The following PAPOLA variants were observed in gnomAD, a reference collection of about 807,000 sequenced individuals.
The protein encoded by PAPOLA is polynucleotide adenylyltransferase alpha.
Under a neutral mutation model 100.6 loss-of-function variants are expected in PAPOLA, and 15 were observed. The ratio of observed to expected loss-of-function variants is 0.15; its 90% CI spans 0.10 to 0.23. The LOEUF (loss-of-function observed/expected upper bound fraction) is 0.23. Among genes scored for constraint, PAPOLA ranks in the 10% least tolerant of loss-of-function variants. The pLI is 1.00. For missense variants in PAPOLA, 533 were observed against 884.2 expected (o/e 0.60, Z 5.04); for synonymous variants, 293 against 300.0 (o/e 0.98, Z 0.24).
At chr14:96,564,318 G>A (rs1902109061) in intron 21 of PAPOLA, among the ~76,000 whole-genome samples, 1 of 151,996 alleles carries the variant, frequency 6.6e-6, no homozygotes, top group South Asian at 2.1e-4. Flanking sequence ...TGAATACATG[G>A]GGATGCATTA....
Position 96,536,815 on chromosome 14 carries a change from G to GTATA in PAPOLA, c.1031-154_1031-151dup, listed in dbSNP as rs113011991. 7.4e-3 allele frequency: 3,449 copies of GTATA among 463,632 alleles called. 86 individuals are homozygous for GTATA. Among genetic ancestry groups the GTATA allele is most frequent in the African/African-American group, 0.062 (3,104 of 50,208 alleles). The allele number at this position is 463,632 out of a possible 1,614,324, so 28.7% of individuals were successfully genotyped here. On this transcript the variant is annotated intron_variant, in intron 11 of 21. Transcript: ENST00000216277. The stretch of plus-strand genomic sequence containing the variant: ...TTCCAGCTTTTTAAAAAAAAAATGT[G>GTATA]TATATATATAAGAGTATGCTCTAAA...
chr14:96,543,981 G>A (rs1595542708), intron 14 of PAPOLA, among the ~76,000 whole-genome samples, 168 bp from the exon 15 acceptor site: 3 of 152,174 alleles, frequency 2.0e-5, no homozygotes, highest in Non-Finnish European at 2.9e-5. Context: ...GGAATATAGA[G>A]GACAGGTGTG....
intron 1 of PAPOLA, among the ~76,000 whole-genome samples, chr14:96,519,579 A>C (rs1009408011): frequency 6.6e-5 from 10 of 152,212 alleles, no homozygotes; most frequent in Non-Finnish European, 1.5e-4. Flanking sequence ...AAGGGAAAGA[A>C]CTATATTCAG....
intron 15 of PAPOLA, among the ~76,000 whole-genome samples, chr14:96,547,173 G>A (rs1055124288): frequency 6.6e-6 from 1 of 152,058 alleles, no homozygotes; most frequent in African/African-American, 2.4e-5. Context: ...CAGTGTCTAG[G>A]ACAATATGAA....
intron 17 of PAPOLA, chr14:96,553,112 T>G (rs560920305): frequency 6.5e-6 from 1 of 152,758 alleles, no homozygotes; most frequent in Non-Finnish European, 1.5e-5. Flanking sequence ...GGTCTGGCTG[T>G]GTTGTTTAGG....
chr14:96,542,322 A>G, intron 13 of PAPOLA, 26 bp downstream of exon 13: 1 of 1,483,468 alleles, frequency 6.7e-7, no homozygotes, highest in Non-Finnish European at 9.4e-7. Flanking sequence ...GACTTTACAG[A>G]AAAAGCAAAC....
At chr14:96,561,453 T>C (rs1003451183) in intron 20 of PAPOLA, among the ~76,000 whole-genome samples, 2 of 152,172 alleles carry the variant, frequency 1.3e-5, no homozygotes, top group Non-Finnish European at 2.9e-5. Flanking sequence ...ATTCACTTTG[T>C]AAACCAAGAA....
In PAPOLA at chr14:96,556,179, A is replaced by G. The variant is rs757065443; in HGVS notation, c.1770A>G (p.Thr590=). 11 of 1,612,578 alleles carry G rather than the reference A, an allele frequency of 6.8e-6. No individual in the cohort carries two copies. Among genetic ancestry groups the G allele is most frequent in the African/African-American group, 4.0e-5 (3 of 74,894 alleles). ...QVNSSESSGG[T]SSESIPQTAT... is the part of the protein sequence containing the mutation. ...ACTCATATATTTGCTGCTTAGGTACATCGAGTGAAAGCATTCCTCAAACTG... is the reference window on the plus strand; with the variant it reads ...ACTCATATATTTGCTGCTTAGGTACGTCGAGTGAAAGCATTCCTCAAACTG... The change falls in exon 19 of 22, where the codon ACA becomes ACG. Residue 590 remains threonine (T), a synonymous_variant. Coordinates refer to ENST00000216277, the MANE Select transcript of PAPOLA (RefSeq NM_032632.5).
chr14:96,502,951 G>T (rs1336013861), intron 1 of PAPOLA: 7 of 285,406 alleles, frequency 2.5e-5, no homozygotes, highest in Non-Finnish European at 2.6e-5. Flanking sequence ...AACATTGCCT[G>T]GTGGTGGGGA....
intron 1 of PAPOLA, among the ~76,000 whole-genome samples, chr14:96,514,216 T>C (rs565740715): frequency 2.6e-5 from 4 of 151,922 alleles, no homozygotes; most frequent in Admixed American, 2.0e-4. Context: ...TCCTGTTCTG[T>C]TGCCCAGGCT....
chr14:96,557,000 C>T (rs1029919693), intron 19 of PAPOLA, among the ~76,000 whole-genome samples: 1 of 152,050 alleles, frequency 6.6e-6, no homozygotes, highest in Admixed American at 6.6e-5. Flanking sequence ...CCTTCTGCCT[C>T]CCAGGTAGCT....
intron 10 of PAPOLA, 151 bp from the exon 11 acceptor site, chr14:96,535,728 A>G (rs1465337805): frequency 2.5e-6 from 2 of 803,016 alleles, no homozygotes; most frequent in African/African-American, 1.8e-5. Flanking sequence ...TCCTATAAAA[A>G]CAATGTCTCT....
At chr14:96,525,424 C>A in intron 4 of PAPOLA, 33 bp downstream of exon 4, 1 of 856,506 alleles carries the variant, frequency 1.2e-6, no homozygotes, top group Admixed American at 2.5e-5. Flanking sequence ...TAGAAAGGGA[C>A]CCTTTAGTTC....
intron 1 of PAPOLA, among the ~76,000 whole-genome samples, chr14:96,507,756 G>GGGTC (rs1050193343): frequency 6.7e-4 from 102 of 152,230 alleles, no homozygotes; most frequent in African/African-American, 2.2e-3. Context: ...ACTCGTAAAG[G>GGGTC]GGTCCTGAGA....
At chr14:96,554,212 T>C (rs1566864305) in intron 17 of PAPOLA, among the ~76,000 whole-genome samples, 1 of 152,252 alleles carries the variant, frequency 6.6e-6, no homozygotes, top group Non-Finnish European at 1.5e-5. Context: ...AGAATACGAT[T>C]GTATATTTGC....
intron 1 of PAPOLA, among the ~76,000 whole-genome samples, chr14:96,512,116 T>G (rs1288257301): frequency 6.6e-6 from 1 of 152,210 alleles, no homozygotes; most frequent in Non-Finnish European, 1.5e-5. Flanking sequence ...TTAGTTGACT[T>G]TCAACTTTTG....
chr14:96,553,185 A>G (rs1007326945), intron 17 of PAPOLA: 3 of 152,506 alleles, frequency 2.0e-5, no homozygotes, highest in African/African-American at 7.2e-5. Flanking sequence ...AGCTGAGACT[A>G]CAGGCGCATG....
intron 3 of PAPOLA, among the ~76,000 whole-genome samples, chr14:96,523,628 A>G (rs1219415105): frequency 6.6e-6 from 1 of 152,176 alleles, no homozygotes; most frequent in Non-Finnish European, 1.5e-5. Flanking sequence ...ATAGGAAGAC[A>G]AAGGCTTTGC....
intron 5 of PAPOLA, 22 bp downstream of exon 5, chr14:96,527,561 A>G (rs1595521809): frequency 1.7e-6 from 2 of 1,202,184 alleles, no homozygotes; most frequent in Non-Finnish European, 2.5e-6. Context: ...TTCGGGGTGA[A>G]ATGGGATGAG....
Sources: allele counts gnomAD v4.1 joint callset (sites outside exome capture counted in the v4.1 genomes callset), GRCh38; gene constraint gnomAD v4.1.1; transcripts MANE v1.5; gene names NCBI Gene and HGNC (gene_info 2026-07-23, HGNC 2026-07-21).